SIRT7: variants seen among roughly 807,000 people sequenced by gnomAD.
SIRT7 encodes the protein sirtuin 7, also known as NAD-dependent protein deacetylase sirtuin-7.
In SIRT7, 32 loss-of-function variants were observed where a neutral mutation model predicts 42.8. The observed-to-expected ratio is 0.75, with a 90% CI of 0.56 to 1.00. The LOEUF (loss-of-function observed/expected upper bound fraction) is 1.00. Ranked by LOEUF, SIRT7 falls within the 50% of genes least tolerant of loss-of-function variation. The probability of loss-of-function intolerance (pLI) is 0.00; values close to 1 mark genes in which losing one functional copy is unlikely to be tolerated. For missense variants in SIRT7, 553 were observed against 572.2 expected (o/e 0.97, Z 0.34); for synonymous variants, 297 against 245.2 (o/e 1.21, Z -1.97).
intron 3 of SIRT7, chr17:81,917,218 GC>G: frequency 6.2e-6 from 1 of 161,626 alleles, no homozygotes. Context: ...ATGTCCCACA[GC>G]CCAGGATAAC....
At chr17:81,914,029 T>G in intron 8 of SIRT7, 58 bp downstream of exon 8, 3 of 1,602,210 alleles carry the variant, frequency 1.9e-6, no homozygotes, top group Non-Finnish European at 2.6e-6. Context: ...GTGGGGTGTC[T>G]CTGGCTGTGC....
rs753124743 is a variant in SIRT7, at chr17:81,914,132, G to A, written c.852C>T (p.Thr284=). The part of the protein sequence containing the change: ...LKKYPRLWCM[T]KPPSRRPKLY... ...GCTTCGGCCGCCGGCTAGGGGGCTT[G>A]GTCATGCACCAGAGGCGTGGGTACT... Residue 284 remains threonine (T), a synonymous_variant, in exon 8 of 10, where the codon ACC becomes ACT. Transcript: ENST00000328666. 5 of 1,613,628 alleles carry A rather than the reference G, an allele frequency of 3.1e-6. No individual in the cohort carries two copies. The highest frequency in any genetic ancestry group is 4.2e-6 in the Non-Finnish European group (5 of 1,180,028).
At chr17:81,914,825 C>G (rs561804238) in intron 5 of SIRT7, 123 bp from the exon 6 acceptor site, 1 of 750,496 alleles carries the variant, frequency 1.3e-6, no homozygotes, top group Non-Finnish European at 2.3e-6. Flanking sequence ...GGGGCAGCTC[C>G]GTCCCCCCAG....
rs1220427722 is a variant in SIRT7, at chr17:81,913,954, A to G, written c.898-74T>C. The G allele has an allele frequency of 1.9e-6, 3 of 1,538,632 alleles. No homozygotes were observed. The highest frequency in any genetic ancestry group is 2.7e-5 in the African/African-American group (2 of 72,846). ...CGGTGGCCTGTCAGCCTTGGCCCCT[A>G]CGGGCTCAGTCGGTGCTCCCTGAGC... On this transcript the variant is annotated intron_variant, in intron 8 of 9. Transcript: ENST00000328666. This position sits in a 1 kb window ranked among gnomAD's most constrained non-coding sequence, Gnocchi z 5.0.
Position 81,914,074 on chromosome 17 carries a change from G to C in SIRT7, c.897+13C>G, listed in dbSNP as rs2040744381. On this transcript the variant is annotated intron_variant, in intron 8 of 9. Coordinates refer to ENST00000328666, the MANE Select transcript of SIRT7 (RefSeq NM_016538.3). ...CCCAGATCTAAGGACGTGGCTCTCA[G>C]CACCCGAGTTACCTGCAGGTTCACG... The C allele has an allele frequency of 1.2e-6, 2 of 1,613,278 alleles. No homozygotes were observed. Among genetic ancestry groups the C allele is most frequent in the East Asian group, 4.5e-5 (2 of 44,884 alleles).
At chr17:81,915,587 G>A (rs138617548) in intron 4 of SIRT7, 24 bp downstream of exon 4, 1 of 1,613,392 alleles carries the variant, frequency 6.2e-7, no homozygotes, top group Non-Finnish European at 8.5e-7. Flanking sequence ...AGCCTATGTG[G>A]GAGGCCATGC....
In SIRT7 at chr17:81,912,564, T is replaced by C; in HGVS notation, c.1055A>G (p.Glu352Gly). ...SLATPLRAGEEGSHSRKSLCR... is the reference protein window; with the variant it reads ...SLATPLRAGEGGSHSRKSLCR... ...CAGCGACTTCCGACTGTGGCTGCCT[T>C]CTTCACCAGCACGCAGGGGAGTCGC... Residue 352 changes from glutamate to glycine, a missense_variant, in exon 10 of 10, where the codon GAA (glutamate) becomes GGA (glycine). Transcript: ENST00000328666. 6.2e-7 allele frequency: 1 copy of C among 1,613,722 alleles called. No homozygotes were observed. The highest frequency in any genetic ancestry group is 8.5e-7 in the Non-Finnish European group (1 of 1,180,010).
chr17:81,916,436 C>T (rs1372899623), intron 3 of SIRT7: 1 of 148,480 alleles, frequency 6.7e-6, no homozygotes, highest in Non-Finnish European at 1.5e-5. Context: ...GGTCACGTGA[C>T]TGTTACATAA....
In SIRT7 at chr17:81,913,950, C is replaced by G; in HGVS notation, c.898-70G>C. The stretch of plus-strand genomic sequence containing the variant: ...TTCCCGGTGGCCTGTCAGCCTTGGC[C>G]CCTACGGGCTCAGTCGGTGCTCCCT... On this transcript the variant is annotated intron_variant, in intron 8 of 9. Coordinates refer to ENST00000328666, the MANE Select transcript of SIRT7 (RefSeq NM_016538.3). The surrounding 1 kb of genome is among the most constrained non-coding windows in gnomAD (Gnocchi z 5.0). 1 of 1,542,630 alleles carries G rather than the reference C, an allele frequency of 6.5e-7. No individual in the cohort carries two copies. The highest frequency in any genetic ancestry group is 1.2e-5 in the South Asian group (1 of 85,842).
In SIRT7 at chr17:81,918,032, G is replaced by C; in HGVS notation, c.93+7C>G. 6.8e-7 allele frequency: 1 copy of C among 1,470,648 alleles called. No homozygotes were observed. Among genetic ancestry groups the C allele is most frequent in the Non-Finnish European group, 8.9e-7 (1 of 1,118,904 alleles). 91.1% of individuals were successfully genotyped at this position (1,470,648 alleles called of 1,614,324 possible). On this transcript the variant is annotated splice_region_variant and intron_variant, in intron 1 of 9. Transcript: ENST00000328666. Reference sequence around the variant, plus strand: ...CATGGCCGGGCCGGGGAGCGGCGGCGGCGTACCTGGCGGAGGCGCTCCCTC... The same window carrying C: ...CATGGCCGGGCCGGGGAGCGGCGGCCGCGTACCTGGCGGAGGCGCTCCCTC...
At position 81,917,911 on chromosome 17, in the gene SIRT7, C is replaced by G; in HGVS notation, c.150G>C (p.Leu50=). ...AAERSAEEGR[L]LAESADLVTE... is the part of the protein sequence containing the mutation. ...TTACCAGGTCCGCGCTCTCGGCCAG[C>G]AGCCGGCCCTCCTCGGCGCTGCGCT... Residue 50 remains leucine, a synonymous_variant, in exon 2 of 10, where the codon CTG becomes CTC. Coordinates refer to ENST00000328666, the MANE Select transcript of SIRT7 (RefSeq NM_016538.3). 1 of 1,419,212 alleles carries G rather than the reference C, an allele frequency of 7.0e-7. No individual in the cohort carries two copies. Among genetic ancestry groups the G allele is most frequent in the Non-Finnish European group, 9.2e-7 (1 of 1,087,906 alleles). The allele number at this position is 1,419,212 out of a possible 1,614,324, so 87.9% of individuals were successfully genotyped here.
At chr17:81,915,179 C>A (rs150366104) in intron 5 of SIRT7, 20 of 568,724 alleles carry the variant, frequency 3.5e-5, no homozygotes, top group Non-Finnish European at 6.0e-5. Context: ...CAGAAAAATG[C>A]AAGGGAATCA....
chr17:81,913,940 C>G lies in SIRT7; in HGVS notation c.898-60G>C. On this transcript the variant is annotated intron_variant, in intron 8 of 9. Coordinates refer to ENST00000328666, the MANE Select transcript of SIRT7 (RefSeq NM_016538.3). The surrounding 1 kb of genome is among the most constrained non-coding windows in gnomAD (Gnocchi z 5.0). Reference sequence around the variant, plus strand: ...AGCCCAACCCTTCCCGGTGGCCTGTCAGCCTTGGCCCCTACGGGCTCAGTC... The same window carrying G: ...AGCCCAACCCTTCCCGGTGGCCTGTGAGCCTTGGCCCCTACGGGCTCAGTC... 1 of 1,543,344 alleles carries G rather than the reference C, an allele frequency of 6.5e-7. No individual in the cohort carries two copies. The highest frequency in any genetic ancestry group is 8.8e-7 in the Non-Finnish European group (1 of 1,137,326).
At chr17:81,915,576 C>T (rs1032712475) in intron 4 of SIRT7, 35 bp downstream of exon 4, 2 of 1,613,350 alleles carry the variant, frequency 1.2e-6, no homozygotes, top group African/African-American at 1.3e-5. Flanking sequence ...TGCCGCTGCC[C>T]AGCCTATGTG....
intron 3 of SIRT7, 171 bp downstream of exon 3, chr17:81,917,444 T>C (rs1458568805): frequency 5.5e-6 from 3 of 541,442 alleles, no homozygotes; most frequent in Non-Finnish European, 9.0e-6. Context: ...TTGTTTTTTT[T>C]AACTGGCTGT....
At position 81,915,620 on chromosome 17, in the gene SIRT7, C is replaced by G; in HGVS notation, c.398G>C (p.Arg133Thr). ...TGCCTGGCCCGCTTACCTAACGCTT[C>G]TCCCTTTCTGAAGCAGTGTCCACAC... The part of the protein sequence containing the change: ...NGVWTLLQKG[R>T]SVSAADLSEA... The change falls in exon 4 of 10, where the codon AGA (arginine) becomes ACA (threonine). Residue 133 changes from arginine (R) to threonine (T), a missense_variant. Arg to Thr is a moderately conservative substitution (Grantham distance 71). Coordinates refer to ENST00000328666, the MANE Select transcript of SIRT7 (RefSeq NM_016538.3). 1 of 1,613,930 alleles carries G rather than the reference C, an allele frequency of 6.2e-7. No homozygotes were observed. Among genetic ancestry groups the G allele is most frequent in the East Asian group, 2.2e-5 (1 of 44,878 alleles).
intron 5 of SIRT7, 75 bp from the exon 6 acceptor site, chr17:81,914,777 G>T: frequency 7.9e-7 from 1 of 1,269,016 alleles, no homozygotes; most frequent in Non-Finnish European, 1.1e-6. Context: ...CGGCCACAGC[G>T]AGGCTGTTCT....
At chr17:81,916,284 C>T (rs1269579004) in intron 3 of SIRT7, 2 of 152,888 alleles carry the variant, frequency 1.3e-5, no homozygotes, top group Non-Finnish European at 1.5e-5. Flanking sequence ...TGGGGACTCC[C>T]GACTCCTGCT....
chr17:81,917,770 G>T, intron 2 of SIRT7, 51 bp from the exon 3 acceptor site: 1 of 1,449,856 alleles, frequency 6.9e-7, no homozygotes, highest in Non-Finnish European at 9.1e-7. Context: ...ACCCGGGACC[G>T]CCCGTCGCCC....
Sources: allele counts gnomAD v4.1 joint callset, GRCh38; gene constraint gnomAD v4.1.1; non-coding constraint Gnocchi (gnomAD v3.1); transcripts MANE v1.5; gene names NCBI Gene and HGNC (gene_info 2026-07-23, HGNC 2026-07-21).